The following FBXO34 variants were observed in gnomAD, a reference collection of about 807,000 sequenced individuals.
FBXO34 encodes F-box protein 34, also known as F-box only protein 34.
In FBXO34, 12 loss-of-function variants were observed where a neutral mutation model predicts 24.5. The observed-to-expected ratio is 0.49, with a 90% CI of 0.31 to 0.79. The LOEUF is 0.79. FBXO34 is among the 30% of genes least tolerant of loss of function. FBXO34 has a pLI of 0.04. For synonymous variants in FBXO34, 320 were observed against 311.9 expected (o/e 1.03, Z -0.27); for missense variants, 823 against 857.7 (o/e 0.96, Z 0.51).
chr14:55,395,939 C>T, the FBXO34 span: 1 of 1,587,028 alleles, frequency 6.3e-7, no homozygotes, highest in African/African-American at 1.4e-5. Flanking sequence ...TTACAACTTA[C>T]CAACTGATCT....
At chr14:55,425,247 C>T in the FBXO34 span, among the ~76,000 whole-genome samples, 1 of 152,102 alleles carries the variant, frequency 6.6e-6, no homozygotes, top group East Asian at 1.9e-4. Context: ...CTGCAGGGAG[C>T]CTGTCAAGAC....
At chr14:55,377,491 G>A in the FBXO34 span, among the ~76,000 whole-genome samples, 3 of 152,146 alleles carry the variant, frequency 2.0e-5, no homozygotes, top group Middle Eastern at 3.2e-3. Context: ...AGGAAGGGCT[G>A]GAGAAGAAAT....
chr14:55,424,290 C>G, the FBXO34 span: 6 of 1,359,062 alleles, frequency 4.4e-6, no homozygotes, highest in Non-Finnish European at 6.3e-6. Context: ...AAAAATAGCA[C>G]TATTCAGCTC....
chr14:55,290,565 T>C (rs1881913098), intron 1 of FBXO34, among the ~76,000 whole-genome samples: 2 of 152,268 alleles, frequency 1.3e-5, no homozygotes, highest in Admixed American at 6.5e-5. Context: ...GCCTGTGTCC[T>C]CATTGACTTA....
chr14:55,434,124 T>A, the FBXO34 span, among the ~76,000 whole-genome samples: 1 of 152,234 alleles, frequency 6.6e-6, no homozygotes, highest in Non-Finnish European at 1.5e-5. Context: ...CACTTCCTTT[T>A]TCTTTTGAAG....
the FBXO34 span, among the ~76,000 whole-genome samples, chr14:55,432,770 C>T: frequency 6.6e-6 from 1 of 152,192 alleles, no homozygotes; most frequent in Admixed American, 6.5e-5. Flanking sequence ...GAATTTGCTT[C>T]TTATCTTTTA....
At chr14:55,392,220 G>A in the FBXO34 span, among the ~76,000 whole-genome samples, 158 of 152,336 alleles carry the variant, frequency 1.0e-3, no homozygotes, top group African/African-American at 3.6e-3. Flanking sequence ...AGGAGGTGGA[G>A]CTCAGGTGGT....
the FBXO34 span, chr14:55,397,568 T>G: frequency 1.4e-6 from 1 of 708,870 alleles, no homozygotes; most frequent in Non-Finnish European, 2.4e-6. Flanking sequence ...AATACACGTC[T>G]TCTCAACGGG....
chr14:55,370,379 G>A (rs1884786807), downstream of FBXO34, among the ~76,000 whole-genome samples: 1 of 149,450 alleles, frequency 6.7e-6, no homozygotes, highest in Non-Finnish European at 1.5e-5. Context: ...AACTCAGTGG[G>A]TTCCTGTACA....
chr14:55,393,548 A>ATTT, the FBXO34 span, among the ~76,000 whole-genome samples: 3 of 142,902 alleles, frequency 2.1e-5, no homozygotes, highest in African/African-American at 5.1e-5. Context: ...ATCTTTTCAG[A>ATTT]TTTTTTTTTT....
At chr14:55,397,784 A>C in the FBXO34 span, among the ~76,000 whole-genome samples, 3 of 152,194 alleles carry the variant, frequency 2.0e-5, no homozygotes, top group Admixed American at 2.0e-4. Flanking sequence ...TTTAATTACT[A>C]ATCTGGATTC....
chr14:55,405,385 T>C, the FBXO34 span, among the ~76,000 whole-genome samples: 1 of 152,250 alleles, frequency 6.6e-6, no homozygotes, highest in South Asian at 2.1e-4. Context: ...TTCTGTTTCC[T>C]GGCAAAAGTA....
At chr14:55,408,497 C>A in the FBXO34 span, among the ~76,000 whole-genome samples, 1 of 152,040 alleles carries the variant, frequency 6.6e-6, no homozygotes, top group Admixed American at 6.6e-5. Flanking sequence ...AGCAGCCAGG[C>A]GTGGTGGCTC....
intron 1 of FBXO34, among the ~76,000 whole-genome samples, chr14:55,314,251 GA>G (rs890303485): frequency 8.7e-5 from 13 of 149,946 alleles, no homozygotes; most frequent in African/African-American, 1.2e-4. Context: ...ATAAAGATAT[GA>G]AAAAAAAATG....
intron 1 of FBXO34, among the ~76,000 whole-genome samples, chr14:55,276,044 A>G (rs1015633433): frequency 6.6e-6 from 1 of 152,226 alleles, no homozygotes; most frequent in Non-Finnish European, 1.5e-5. Context: ...GGCAAGAACA[A>G]GTGCTCAAGG....
chr14:55,418,011 A>T, the FBXO34 span, among the ~76,000 whole-genome samples: 2 of 152,222 alleles, frequency 1.3e-5, no homozygotes, highest in Non-Finnish European at 2.9e-5. Context: ...GTTGTGATAA[A>T]GGATGTGAGC....
the FBXO34 span, chr14:55,377,856 T>G: frequency 1.0e-4 from 160 of 1,602,656 alleles, no homozygotes; most frequent in Non-Finnish European, 1.3e-4. Context: ...ACCAGGTACA[T>G]TAGATTCCTG....
At chr14:55,392,302 T>A in the FBXO34 span, among the ~76,000 whole-genome samples, 6 of 152,160 alleles carry the variant, frequency 3.9e-5, no homozygotes, top group East Asian at 1.2e-3. Flanking sequence ...AGTAGGTATA[T>A]GTGGCCTGGG....
chr14:55,425,161 G>C, the FBXO34 span, among the ~76,000 whole-genome samples: 2 of 152,218 alleles, frequency 1.3e-5, no homozygotes, highest in African/African-American at 2.4e-5. Flanking sequence ...GGCGCATCTT[G>C]AAGTGAGTCT....
Sources: gnomAD v4.1 joint callset for allele counts (sites outside exome capture counted in the v4.1 genomes callset) on GRCh38, gnomAD v4.1.1 for gene constraint, MANE v1.5 for transcripts, NCBI Gene and HGNC (gene_info 2026-07-23, HGNC 2026-07-21) for gene names.